Variants in TIMELESS observed in about 807,000 individuals in gnomAD.
TIMELESS encodes protein timeless homolog.
A neutral mutation model predicts 164.3 loss-of-function variants in TIMELESS; 124 were observed. The ratio of observed to expected loss-of-function variants is 0.75; its 90% confidence interval spans 0.65 to 0.88. TIMELESS has a LOEUF of 0.88. Among genes scored for constraint, TIMELESS ranks in the 40% least tolerant of loss-of-function variants. The pLI is 0.00. For synonymous variants in TIMELESS, 564 were observed against 563.4 expected (o/e 1.00, Z -0.02); for missense variants, 1,422 against 1,491.4 (o/e 0.95, Z 0.77).
At chr12:56,418,697 C>T (rs1881354966) in intron 26 of TIMELESS, among the ~76,000 whole-genome samples, 1 of 151,842 alleles carries the variant, frequency 6.6e-6, no homozygotes, top group African/African-American at 2.4e-5. Flanking sequence ...CCTGCCTCAG[C>T]CTCTCAAGTA....
intron 13 of TIMELESS, among the ~76,000 whole-genome samples, chr12:56,426,681 TC>T (rs1466054501): frequency 1.3e-5 from 2 of 152,130 alleles, no homozygotes; most frequent in Non-Finnish European, 2.9e-5. Context: ...CACTTCAGCC[TC>T]CCAAGAAGCT....
At chr12:56,418,998 A>ATTTTT (rs34996841) in intron 26 of TIMELESS, among the ~76,000 whole-genome samples, 2 of 139,294 alleles carry the variant, frequency 1.4e-5, no homozygotes, top group Admixed American at 1.5e-4. Context: ...GTATCACAGG[A>ATTTTT]TTTTTTTTTT....
intron 1 of TIMELESS, among the ~76,000 whole-genome samples, chr12:56,445,565 CCT>C (rs1868338894): frequency 6.6e-6 from 1 of 150,708 alleles, no homozygotes; most frequent in Admixed American, 6.6e-5. Flanking sequence ...ATGGAGAAAC[CCT>C]GTCTCTACTA....
Position 56,433,459 on chromosome 12 carries a change from C to A in TIMELESS, c.367-16G>T, listed in dbSNP as rs763169777. Reference sequence around the variant, plus strand: ...TGGCAAAGGCCTGTGAAATAGGGAACCTGATCTTAAGTAGCAGTCATCCAC... The same window carrying A: ...TGGCAAAGGCCTGTGAAATAGGGAAACTGATCTTAAGTAGCAGTCATCCAC... On this transcript the variant is annotated splice_polypyrimidine_tract_variant and intron_variant, in intron 4 of 28. Coordinates refer to ENST00000553532, the MANE Select transcript of TIMELESS (RefSeq NM_003920.5). 6.2e-7 allele frequency: 1 copy of A among 1,614,168 alleles called. No individual in the cohort carries two copies. Among genetic ancestry groups the A allele is most frequent in the East Asian group, 2.2e-5 (1 of 44,892 alleles).
Position 56,422,145 on chromosome 12 carries a change from G to A in TIMELESS, c.2485C>T (p.His829Tyr), listed in dbSNP as rs369362382. 3.7e-6 allele frequency: 6 copies of A among 1,614,132 alleles called. No homozygotes were observed. Among genetic ancestry groups the A allele is most frequent in the East Asian group, 4.5e-5 (2 of 44,884 alleles). Residue 829 changes from histidine to tyrosine, a missense_variant, in exon 20 of 29, where the codon CAT becomes TAT. Transcript: ENST00000553532. ...APTWSPEEEA[H>Y]LRELYLANKD... is the part of the protein sequence containing the mutation. Reference sequence around the variant, plus strand: ...TTGGCGAGGTACAGCTCCCGAAGATGAGCCTCTTCTTCGGGGCTCCATGTA... The same window carrying A: ...TTGGCGAGGTACAGCTCCCGAAGATAAGCCTCTTCTTCGGGGCTCCATGTA...
chr12:56,422,059 C>T (rs1338931942), intron 20 of TIMELESS, 43 bp from the exon 21 acceptor site: 5 of 1,613,920 alleles, frequency 3.1e-6, no homozygotes, highest in East Asian at 2.2e-5. Context: ...GGTCCCACAG[C>T]TCAAGCTGCC....
At chr12:56,423,250 C>T in intron 18 of TIMELESS, 24 bp downstream of exon 18, 1 of 1,613,226 alleles carries the variant, frequency 6.2e-7, no homozygotes, top group South Asian at 1.1e-5. Flanking sequence ...CCTTCCAGAA[C>T]CCCATTCCTT....
At chr12:56,422,761 T>C (rs769367496) in intron 19 of TIMELESS, 86 bp downstream of exon 19, 1 of 1,421,136 alleles carries the variant, frequency 7.0e-7, no homozygotes, top group Non-Finnish European at 9.6e-7. Flanking sequence ...CTAAATGACA[T>C]GCAAGCTCTT....
chr12:56,426,868 G>T (rs1448556411), intron 13 of TIMELESS, among the ~76,000 whole-genome samples: 1 of 152,028 alleles, frequency 6.6e-6, no homozygotes, highest in Non-Finnish European at 1.5e-5. Flanking sequence ...CCCAAAATCT[G>T]TTTATACAAA....
At chr12:56,429,557 A>C (rs1288964160) in intron 10 of TIMELESS, among the ~76,000 whole-genome samples, 2 of 127,724 alleles carry the variant, frequency 1.6e-5, no homozygotes, top group Non-Finnish European at 1.5e-5. Context: ...GCTGGAGTGC[A>C]CTGGTCTGAT....
rs1008154884 is a variant in TIMELESS at position 56,432,313 on chromosome 12, G to A, written c.687+56C>T. 7.7e-6 allele frequency: 12 copies of A among 1,561,940 alleles called. No homozygotes were observed. In the African/African-American group the frequency reaches 1.6e-4, roughly 21 times the overall value. On this transcript the variant is annotated intron_variant, in intron 7 of 28. Coordinates refer to ENST00000553532, the MANE Select transcript of TIMELESS (RefSeq NM_003920.5). ...CATTATCACAAGAGCAATTCTGGCT[G>A]TACAGCAGAAAAGTACATGGGCGGA...
intron 1 of TIMELESS, among the ~76,000 whole-genome samples, chr12:56,440,387 T>C (rs1868257273): frequency 6.6e-6 from 1 of 152,186 alleles, no homozygotes; most frequent in African/African-American, 2.4e-5. Context: ...TCTGCCCACC[T>C]GGGCCTCCCA....
chr12:56,441,159 T>C (rs1868269289), intron 1 of TIMELESS, among the ~76,000 whole-genome samples: 1 of 152,216 alleles, frequency 6.6e-6, no homozygotes, highest in African/African-American at 2.4e-5. Context: ...AAAAAGCCTG[T>C]ATTCTCTATG....
chr12:56,436,713 A>G (rs1882082017), intron 1 of TIMELESS, among the ~76,000 whole-genome samples: 1 of 152,198 alleles, frequency 6.6e-6, no homozygotes, highest in Non-Finnish European at 1.5e-5. Flanking sequence ...TTCAGTAAGA[A>G]TACATTATCC....
At chr12:56,431,050 C>G in intron 8 of TIMELESS, 82 bp from the exon 9 acceptor site, 7 of 961,540 alleles carry the variant, frequency 7.3e-6, no homozygotes, top group Non-Finnish European at 1.1e-5. Flanking sequence ...CACATTGGAG[C>G]AAGTTAAAAC....
In TIMELESS at chr12:56,428,649, C is replaced by T. The variant is rs747884558; in HGVS notation, c.1308G>A (p.Met436Ile). 2 of 1,613,534 alleles carry T rather than the reference C, an allele frequency of 1.2e-6. No homozygotes were observed. Among genetic ancestry groups the T allele is most frequent in the Non-Finnish European group, 1.7e-6 (2 of 1,179,588 alleles). ...CCTGATAGGCCTTCAGAGCCAAGTG[C>T]ATCCTGAGAGTTGACGGGAAACGGT... ...RKEAASWARRMHLALKAYQEL... is the reference protein window; with the variant it reads ...RKEAASWARRIHLALKAYQEL... The change falls in exon 12 of 29, where the codon ATG becomes ATA. Residue 436 changes from methionine (M) to isoleucine (I), a missense_variant. Physicochemically the swap from Met to Ile is conservative, Grantham distance 10. Transcript: ENST00000553532.
At chr12:56,421,644 C>T in intron 22 of TIMELESS, 83 bp downstream of exon 22, 3 of 1,556,362 alleles carry the variant, frequency 1.9e-6, no homozygotes, top group Non-Finnish European at 1.8e-6. Flanking sequence ...GAGAATCTTT[C>T]CTTGGGAATA....
intron 16 of TIMELESS, 37 bp downstream of exon 16, chr12:56,423,760 A>T (rs758863017): frequency 3.3e-5 from 53 of 1,614,022 alleles, no homozygotes; most frequent in Non-Finnish European, 4.5e-5. Flanking sequence ...GCTAGAAAAG[A>T]GCTGGAAGGA....
At chr12:56,421,693 T>C (rs777227851) in intron 22 of TIMELESS, 34 bp downstream of exon 22, 1 of 1,610,468 alleles carries the variant, frequency 6.2e-7, no homozygotes, top group Non-Finnish European at 8.5e-7. Flanking sequence ...TTGGCTTTCA[T>C]CTCAAAGGTC....
Sources: gnomAD v4.1 joint callset for allele counts (sites outside exome capture counted in the v4.1 genomes callset) on GRCh38, gnomAD v4.1.1 for gene constraint, MANE v1.5 for transcripts, NCBI Gene and HGNC (gene_info 2026-07-23, HGNC 2026-07-21) for gene names.